Variants in RIT2 observed in about 807,000 individuals in gnomAD.
RIT2 encodes GTP-binding protein Rit2.
Under a neutral mutation model 23.7 loss-of-function variants are expected in RIT2, and 24 were observed. The observed-to-expected ratio is 1.01, with a 90% confidence interval of 0.73 to 1.43. The LOEUF (loss-of-function observed/expected upper bound fraction) is 1.43, where lower values mean the gene tolerates loss of function less well. Among genes scored for constraint, RIT2 ranks in the 40% most tolerant of loss-of-function variants. The pLI is 0.00. For synonymous variants in RIT2, 107 were observed against 91.1 expected (o/e 1.17, Z -0.99); for missense variants, 236 against 266.9 (o/e 0.88, Z 0.81).
chr18:42,775,860 T>TACACACACAC (rs113530360), intron 4 of RIT2, among the ~76,000 whole-genome samples: 2 of 148,880 alleles, frequency 1.3e-5, no homozygotes, highest in Non-Finnish European at 3.0e-5. Context: ...CACACACACA[T>TACACACACAC]ACACACACAC....
chr18:42,982,418 A>G (rs1044986849), intron 2 of RIT2, among the ~76,000 whole-genome samples: 4 of 152,086 alleles, frequency 2.6e-5, no homozygotes, highest in African/African-American at 9.7e-5. Context: ...ACTCCCACAT[A>G]CACACCCAAA....
At chr18:42,756,949 T>C (rs1457847787) in intron 4 of RIT2, among the ~76,000 whole-genome samples, 1 of 151,934 alleles carries the variant, frequency 6.6e-6, no homozygotes, top group African/African-American at 2.4e-5. Context: ...AATTAAATAA[T>C]AAATTATATA....
intron 4 of RIT2, among the ~76,000 whole-genome samples, chr18:42,780,449 G>A (rs1341077979): frequency 6.6e-6 from 1 of 152,054 alleles, no homozygotes; most frequent in Admixed American, 6.5e-5. Context: ...AGATGTAAAT[G>A]TCTCTTCTCA....
intron 4 of RIT2, among the ~76,000 whole-genome samples, chr18:42,745,524 A>G (rs965793862): frequency 6.6e-6 from 1 of 152,164 alleles, no homozygotes; most frequent in African/African-American, 2.4e-5. Flanking sequence ...GTAACTTGTC[A>G]CATTTTAACC....
chr18:42,880,316 C>T (rs1907854309), intron 4 of RIT2, among the ~76,000 whole-genome samples: 1 of 152,140 alleles, frequency 6.6e-6, no homozygotes, highest in Admixed American at 6.5e-5. Context: ...TTCTCTACTG[C>T]TAGCTAAAGA....
chr18:42,921,172 C>T (rs972915585), intron 4 of RIT2, among the ~76,000 whole-genome samples: 6 of 152,042 alleles, frequency 3.9e-5, no homozygotes, highest in African/African-American at 1.4e-4. Flanking sequence ...AATCATTTTG[C>T]TCAGAAAAAA....
intron 2 of RIT2, among the ~76,000 whole-genome samples, chr18:43,027,700 T>C (rs999036592): frequency 6.6e-6 from 1 of 152,088 alleles, no homozygotes; most frequent in East Asian, 1.9e-4. Context: ...GTCTACGACC[T>C]GGATGTGTAT....
At chr18:42,946,337 A>G (rs1909726269) in intron 3 of RIT2, among the ~76,000 whole-genome samples, 1 of 152,018 alleles carries the variant, frequency 6.6e-6, no homozygotes, top group African/African-American at 2.4e-5. Context: ...AAAATCATGG[A>G]TGTAGCTTAC....
At chr18:42,779,217 C>G (rs1252005322) in intron 4 of RIT2, among the ~76,000 whole-genome samples, 1 of 152,088 alleles carries the variant, frequency 6.6e-6, no homozygotes, top group Non-Finnish European at 1.5e-5. Context: ...AAAACTTGCC[C>G]TTGTTTTTTC....
At chr18:42,962,383 T>C (rs1910113049) in intron 3 of RIT2, among the ~76,000 whole-genome samples, 1 of 152,234 alleles carries the variant, frequency 6.6e-6, no homozygotes, top group African/African-American at 2.4e-5. Flanking sequence ...TATAAGCCCA[T>C]TAAAATATTG....
chr18:43,071,620 T>C (rs1912898874), intron 1 of RIT2, among the ~76,000 whole-genome samples: 1 of 152,214 alleles, frequency 6.6e-6, no homozygotes. Flanking sequence ...TGTTAATGAT[T>C]ATCAATACTT....
At chr18:42,964,343 A>G (rs1910162832) in intron 3 of RIT2, among the ~76,000 whole-genome samples, 1 of 152,056 alleles carries the variant, frequency 6.6e-6, no homozygotes, top group Non-Finnish European at 1.5e-5. Context: ...TAAATAAGAT[A>G]GCTACTAGAT....
chr18:42,824,560 G>A (rs992947106), intron 4 of RIT2, among the ~76,000 whole-genome samples: 2 of 151,934 alleles, frequency 1.3e-5, no homozygotes, highest in Non-Finnish European at 2.9e-5. Context: ...TAAGTATTAA[G>A]CTGAAGAGAT....
At chr18:42,947,050 CTA>C (rs1568037140) in intron 3 of RIT2, among the ~76,000 whole-genome samples, 1 of 152,040 alleles carries the variant, frequency 6.6e-6, no homozygotes, top group Non-Finnish European at 1.5e-5. Flanking sequence ...AAAATTATAA[CTA>C]TGAATATGTG....
At chr18:42,797,805 T>C (rs1598658232) in intron 4 of RIT2, among the ~76,000 whole-genome samples, 1 of 152,336 alleles carries the variant, frequency 6.6e-6, no homozygotes, top group South Asian at 2.1e-4. Flanking sequence ...ACTAAGGGCT[T>C]AACTTATTTA....
At chr18:42,928,764 C>T (rs1451225443) in intron 3 of RIT2, among the ~76,000 whole-genome samples, 1 of 151,688 alleles carries the variant, frequency 6.6e-6, no homozygotes, top group Non-Finnish European at 1.5e-5. Context: ...ACGAACAAAG[C>T]TTTTATAAAT....
At chr18:42,907,630 G>A (rs1160389385) in intron 4 of RIT2, among the ~76,000 whole-genome samples, 1 of 152,120 alleles carries the variant, frequency 6.6e-6, no homozygotes, top group Admixed American at 6.6e-5. Flanking sequence ...CAATATGAAT[G>A]AGAAAAGACA....
At chr18:42,921,724 T>C (rs2097558013) in intron 4 of RIT2, among the ~76,000 whole-genome samples, 1 of 152,146 alleles carries the variant, frequency 6.6e-6, no homozygotes, top group Non-Finnish European at 1.5e-5. Flanking sequence ...CTTTCCTAAC[T>C]GAAACCCTGT....
At chr18:42,746,963 G>A (rs1598638098) in intron 4 of RIT2, among the ~76,000 whole-genome samples, 1 of 152,074 alleles carries the variant, frequency 6.6e-6, no homozygotes, top group East Asian at 1.9e-4. Context: ...ATGGGGAAAA[G>A]TTGAAAGCAT....
Sources: gnomAD v4.1 joint callset for allele counts (sites outside exome capture counted in the v4.1 genomes callset) on GRCh38, gnomAD v4.1.1 for gene constraint, MANE v1.5 for transcripts, NCBI Gene and HGNC (gene_info 2026-07-23, HGNC 2026-07-21) for gene names.